Variants in PCDHGB5 observed in about 807,000 individuals in gnomAD.
PCDHGB5 encodes the protein protocadherin gamma subfamily B, 5, also known as protocadherin gamma-B5.
In PCDHGB5, 48 loss-of-function variants were observed where a neutral mutation model predicts 62.9. The ratio of observed to expected loss-of-function variants is 0.76; its 90% CI spans 0.61 to 0.97. The LOEUF is 0.97. PCDHGB5 is among the 50% of genes least tolerant of loss of function. PCDHGB5 has a pLI of 0.00. For missense variants in PCDHGB5, 1,118 were observed against 1,198.6 expected, an observed-to-expected ratio of 0.93 and a Z score of 0.99; for synonymous variants, 474 against 511.2, an observed-to-expected ratio of 0.93 and a Z score of 0.98.
chr5:141,488,751 C>T (rs1185515068), intron 1 of PCDHGB5, among the ~76,000 whole-genome samples: 1 of 152,154 alleles, frequency 6.6e-6, no homozygotes, highest in Non-Finnish European at 1.5e-5. Context: ...CAGGAAGTTG[C>T]TGGGACAGAA....
intron 1 of PCDHGB5, chr5:141,404,204 T>A: frequency 6.2e-7 from 1 of 1,613,718 alleles, no homozygotes; most frequent in Non-Finnish European, 8.5e-7. Context: ...AGCCTCAGAA[T>A]ATAATATCAC....
At chr5:141,405,187 G>A (rs372851700) in intron 1 of PCDHGB5, 1 of 1,613,360 alleles carries the variant, frequency 6.2e-7, no homozygotes, top group East Asian at 2.2e-5. Flanking sequence ...GTGTAGATGG[G>A]GTTCGAGCTT....
intron 1 of PCDHGB5, among the ~76,000 whole-genome samples, chr5:141,435,099 TA>T (rs892317840): frequency 2.0e-5 from 3 of 152,260 alleles, no homozygotes; most frequent in African/African-American, 7.2e-5. Context: ...TCTGTTTATC[TA>T]GGGGGGAGAA....
chr5:141,408,295 G>A (rs1185231517), intron 1 of PCDHGB5: 8 of 1,613,700 alleles, frequency 5.0e-6, no homozygotes, highest in East Asian at 2.2e-5. Flanking sequence ...CCCTGAGTGA[G>A]CCGATCCGCT....
chr5:141,441,230 ATTTAAATCACAAGATC>A (rs1009424536), intron 1 of PCDHGB5: 1 of 152,196 alleles, frequency 6.6e-6, no homozygotes, highest in African/African-American at 2.4e-5. Context: ...ACTGTCCAGG[ATTTAAATCACAAGATC>A]TTTAAATCAC....
At chr5:141,414,338 G>C in intron 1 of PCDHGB5, 1 of 1,613,832 alleles carries the variant, frequency 6.2e-7, no homozygotes, top group Non-Finnish European at 8.5e-7. Context: ...CAGGTAACCT[G>C]TTCCATTTTG....
Position 141,432,377 on chromosome 5 carries a change from C to T in PCDHGB5, c.2397+31853C>T. 3.7e-6 allele frequency: 6 copies of T among 1,614,240 alleles called. No homozygotes were observed. Among genetic ancestry groups the T allele is most frequent in the Non-Finnish European group, 5.1e-6 (6 of 1,180,046 alleles). On this transcript the variant is annotated intron_variant, in intron 1 of 3. Transcript: ENST00000617380. This position sits in a 1 kb window ranked among gnomAD's most constrained non-coding sequence, Gnocchi z 6.0. ...AGTGATGGCGCGGGACAACGGGCAC[C>T]CGCCCCTCAGCAGCAACGTGTCGTT...
At chr5:141,428,136 G>A in intron 1 of PCDHGB5, 2 of 1,600,778 alleles carry the variant, frequency 1.2e-6, no homozygotes, top group South Asian at 1.1e-5. Flanking sequence ...TTTCAGCCTG[G>A]GGCTGCACAC....
At chr5:141,504,671 G>C (rs1459848730) in intron 2 of PCDHGB5, among the ~76,000 whole-genome samples, 1 of 111,068 alleles carries the variant, frequency 9.0e-6, no homozygotes, top group East Asian at 3.2e-4. Context: ...GGGGGGTGGG[G>C]GTTCTTGTAA....
chr5:141,472,060 T>C (rs185246000), intron 1 of PCDHGB5, among the ~76,000 whole-genome samples: 5 of 152,276 alleles, frequency 3.3e-5, no homozygotes, highest in Non-Finnish European at 1.5e-5. Context: ...ATGATTGACA[T>C]GTCTGTGGTT....
Position 141,398,683 on chromosome 5 carries a change from C to T in PCDHGB5, c.556C>T (p.Gln186Ter), listed in dbSNP as rs910361681. 6.2e-7 allele frequency: 1 copy of T among 1,613,796 alleles called. No individual in the cohort carries two copies. Among genetic ancestry groups the T allele is most frequent in the African/African-American group, 1.3e-5 (1 of 74,926 alleles). ...PSFSLIIKEK[Q>*]DGSKYPELAL... ...TTTCTCATTAATAATTAAGGAGAAACAGGATGGTAGTAAATACCCGGAACT... is the reference window on the plus strand; with the variant it reads ...TTTCTCATTAATAATTAAGGAGAAATAGGATGGTAGTAAATACCCGGAACT... Residue 186 changes from glutamine (Q) to a stop codon, truncating the protein, a stop_gained, in exon 1 of 4, where the codon CAG becomes TAG. Transcript: ENST00000617380. LOFTEE classifies it high-confidence loss of function.
In PCDHGB5 at chr5:141,512,843, T is replaced by G. The variant is rs2099884463; in HGVS notation, c.*1670T>G. ...CCCTCCCCCGTACTGACTTCTCCTATAAGCGCTTCTCTTCGCATAGTCACG... is the reference window on the plus strand; with the variant it reads ...CCCTCCCCCGTACTGACTTCTCCTAGAAGCGCTTCTCTTCGCATAGTCACG... On this transcript the variant is annotated 3_prime_UTR_variant, in exon 4 of 4. Coordinates refer to ENST00000617380, the MANE Select transcript of PCDHGB5 (RefSeq NM_018925.3). 6.6e-6 allele frequency: 1 copy of G among 152,290 alleles called. No individual in the cohort carries two copies. The highest frequency in any genetic ancestry group is 1.5e-5 in the Non-Finnish European group (1 of 68,088). 9.4% of individuals were successfully genotyped at this position (152,290 alleles called of 1,614,324 possible).
intron 1 of PCDHGB5, among the ~76,000 whole-genome samples, chr5:141,425,427 A>G (rs925551543): frequency 2.2e-4 from 33 of 152,362 alleles, no homozygotes; most frequent in Non-Finnish European, 4.1e-4. Flanking sequence ...GTCCCATTAA[A>G]TAGAGGATAA....
At chr5:141,426,639 AATGTGATGATAGAAGATATAAATG>A (rs1418104928) in intron 1 of PCDHGB5, 1 of 407,642 alleles carries the variant, frequency 2.5e-6, no homozygotes, top group Non-Finnish European at 5.0e-6. Context: ...TTTTCACATA[AATGTGATGATAGAAGATATAAATG>A]ATAACCCACC....
chr5:141,432,863 T>C lies in PCDHGB5; in HGVS notation c.2397+32339T>C, dbSNP rs762979829. On this transcript the variant is annotated intron_variant, in intron 1 of 3. Coordinates refer to ENST00000617380, the MANE Select transcript of PCDHGB5 (RefSeq NM_018925.3). This position sits in a 1 kb window ranked among gnomAD's most constrained non-coding sequence, Gnocchi z 6.0. ...GGTGGTAGCGGTGGCCGCGGTCTCCTGCGTCTTCCTGGCCTTCGTCATCTT... is the reference window on the plus strand; with the variant it reads ...GGTGGTAGCGGTGGCCGCGGTCTCCCGCGTCTTCCTGGCCTTCGTCATCTT... 20 of 1,614,192 alleles carry C rather than the reference T, an allele frequency of 1.2e-5. No individual in the cohort carries two copies. Among genetic ancestry groups the C allele is most frequent in the Admixed American group, 6.7e-5 (4 of 60,032 alleles).
At chr5:141,404,672 G>T in intron 1 of PCDHGB5, 1 of 1,614,156 alleles carries the variant, frequency 6.2e-7, no homozygotes, top group Non-Finnish European at 8.5e-7. Flanking sequence ...TGGTTCTACT[G>T]GTGTGGAGCT....
chr5:141,466,928 T>TTAG (rs1231908662), intron 1 of PCDHGB5, among the ~76,000 whole-genome samples: 1 of 152,220 alleles, frequency 6.6e-6, no homozygotes, highest in Non-Finnish European at 1.5e-5. Context: ...ATTAGGAATA[T>TTAG]TAGTCCTTTG....
chr5:141,476,346 T>G lies in PCDHGB5; in HGVS notation c.2398-18461T>G, dbSNP rs1239836597. On this transcript the variant is annotated intron_variant, in intron 1 of 3. Coordinates refer to ENST00000617380, the MANE Select transcript of PCDHGB5 (RefSeq NM_018925.3). The surrounding 1 kb of genome is among the most constrained non-coding windows in gnomAD (Gnocchi z 7.6). The stretch of plus-strand genomic sequence containing the variant: ...GTGTCTGGAGCTAGCCGAAGATTCT[T>G]TGAGGTGAACCGGGAGACCGGAGAG... 2.5e-6 allele frequency: 4 copies of G among 1,613,932 alleles called. No individual in the cohort carries two copies. Among genetic ancestry groups the G allele is most frequent in the Non-Finnish European group, 3.4e-6 (4 of 1,180,022 alleles).
At chr5:141,402,877 T>C in intron 1 of PCDHGB5, 3 of 1,469,748 alleles carry the variant, frequency 2.0e-6, no homozygotes, top group East Asian at 4.9e-5. Flanking sequence ...CACCATACTT[T>C]GCAGGGTGGA....
Sources: gnomAD v4.1 joint callset for allele counts (sites outside exome capture counted in the v4.1 genomes callset) on GRCh38, gnomAD v4.1.1 for gene constraint, Gnocchi (gnomAD v3.1) non-coding constraint, MANE v1.5 for transcripts, NCBI Gene and HGNC (gene_info 2026-07-23, HGNC 2026-07-21) for gene names.